Variants in EDN1 observed in about 807,000 individuals in gnomAD.
EDN1 encodes the protein endothelin 1.
A neutral mutation model predicts 21.7 loss-of-function variants in EDN1; 11 were observed. The observed-to-expected ratio is 0.51, with a 90% confidence interval of 0.32 to 0.84. The LOEUF is 0.84. Ranked by LOEUF, EDN1 falls within the 40% of genes least tolerant of loss-of-function variation. The probability of loss-of-function intolerance (pLI) is 0.03; values close to 1 mark genes in which losing one functional copy is unlikely to be tolerated. For synonymous variants in EDN1, 85 were observed against 90.6 expected (o/e 0.94, Z 0.35); for missense variants, 244 against 262.3 (o/e 0.93, Z 0.48).
chr6:12,238,539 T>C, the EDN1 span, among the ~76,000 whole-genome samples: 1 of 152,196 alleles, frequency 6.6e-6, no homozygotes, highest in Non-Finnish European at 1.5e-5. Flanking sequence ...GTGAAATGTA[T>C]GGAGGCGGAG....
chr6:12,287,054 C>G (rs948715723), upstream of EDN1, among the ~76,000 whole-genome samples: 16 of 151,872 alleles, frequency 1.1e-4, no homozygotes, highest in African/African-American at 3.6e-4. Context: ...GAGGTTGAGG[C>G]TGCAGTGAGC....
intron 1 of EDN1, among the ~76,000 whole-genome samples, chr6:12,291,225 C>CG (rs1412241676): frequency 2.0e-5 from 2 of 99,672 alleles, no homozygotes; most frequent in African/African-American, 5.9e-5. Flanking sequence ...CCTCCCCCCC[C>CG]CCCCGCCACC....
upstream of EDN1, among the ~76,000 whole-genome samples, chr6:12,286,191 C>G (rs376349332): frequency 9.8e-5 from 15 of 152,334 alleles, no homozygotes; most frequent in African/African-American, 3.6e-4. Flanking sequence ...ATTGGAAATA[C>G]TCTTTTAAAT....
the EDN1 span, among the ~76,000 whole-genome samples, chr6:12,239,408 G>T: frequency 6.6e-6 from 1 of 152,066 alleles, no homozygotes; most frequent in South Asian, 2.1e-4. Flanking sequence ...TTTCTTGACC[G>T]CCTTCCAGCA....
chr6:12,248,084 TGG>T, the EDN1 span, among the ~76,000 whole-genome samples: 1 of 151,748 alleles, frequency 6.6e-6, no homozygotes, highest in Non-Finnish European at 1.5e-5. Flanking sequence ...GAAATATCAA[TGG>T]ATATTCCTCA....
In EDN1 at chr6:12,292,321, C is replaced by G. The variant is rs774091506; in HGVS notation, c.65-20C>G. The G allele has an allele frequency of 1.1e-5, 18 of 1,613,324 alleles. No homozygotes were observed. In the South Asian group the frequency reaches 1.8e-4, roughly 16 times the overall value. On this transcript the variant is annotated intron_variant, in intron 1 of 4. Coordinates refer to ENST00000379375, the MANE Select transcript of EDN1 (RefSeq NM_001955.5). ...CGTTTGAGGAGACATCCCCCACTGACCTGCTCTTTCTCTCCCCAGCAGTCT... is the reference window on the plus strand; with the variant it reads ...CGTTTGAGGAGACATCCCCCACTGAGCTGCTCTTTCTCTCCCCAGCAGTCT...
chr6:12,273,987 A>C, the EDN1 span, among the ~76,000 whole-genome samples: 2 of 152,174 alleles, frequency 1.3e-5, no homozygotes, highest in African/African-American at 4.8e-5. Context: ...TTTCTTACCC[A>C]TATATTGTAC....
chr6:12,271,057 T>C, the EDN1 span, among the ~76,000 whole-genome samples: 1 of 152,166 alleles, frequency 6.6e-6, no homozygotes, highest in African/African-American at 2.4e-5. Context: ...TCACTTTCAG[T>C]TTATGTATGT....
chr6:12,257,666 CA>C, the EDN1 span, among the ~76,000 whole-genome samples: 20,406 of 152,108 alleles, frequency 0.13, 1,537 homozygotes, highest in South Asian at 0.3. Flanking sequence ...ATAATTATGA[CA>C]CAGTGTATTT....
chr6:12,244,934 A>G, the EDN1 span, among the ~76,000 whole-genome samples: 4 of 152,186 alleles, frequency 2.6e-5, no homozygotes, highest in African/African-American at 9.7e-5. Flanking sequence ...CTTTTCCTGC[A>G]ACTTCTACCC....
At chr6:12,231,337 T>C in the EDN1 span, among the ~76,000 whole-genome samples, 1 of 152,160 alleles carries the variant, frequency 6.6e-6, no homozygotes, top group Non-Finnish European at 1.5e-5. Context: ...GTCAAATCCA[T>C]GCTTAACAGG....
chr6:12,243,913 A>G, the EDN1 span, among the ~76,000 whole-genome samples: 8 of 152,310 alleles, frequency 5.3e-5, no homozygotes, highest in African/African-American at 1.4e-4. Context: ...TTATTTGTCA[A>G]TTGAGAAAGT....
Position 12,290,586 on chromosome 6 carries a change from T to A in EDN1, c.-44T>A. On this transcript the variant is annotated 5_prime_UTR_variant, in exon 1 of 5. Coordinates refer to ENST00000379375, the MANE Select transcript of EDN1 (RefSeq NM_001955.5). ...GAAGCTGTTTTTCTTCGTTTTCCTT[T>A]GGGTTCAGTTTGAACGGGAGGTTTT... 1 of 1,557,150 alleles carries A rather than the reference T, an allele frequency of 6.4e-7. No individual in the cohort carries two copies. The highest frequency in any genetic ancestry group is 8.9e-7 in the Non-Finnish European group (1 of 1,128,330).
At chr6:12,288,276 A>C (rs548463389), upstream of EDN1, among the ~76,000 whole-genome samples, 161 of 151,346 alleles carry the variant, frequency 1.1e-3, no homozygotes, top group African/African-American at 3.7e-3. Flanking sequence ...CTGCCAAGAC[A>C]TATTTCCCAG....
chr6:12,268,637 T>C, the EDN1 span, among the ~76,000 whole-genome samples: 2 of 152,172 alleles, frequency 1.3e-5, no homozygotes, highest in Non-Finnish European at 2.9e-5. Context: ...ATGTGTGGAT[T>C]TATTTCTGTA....
At chr6:12,285,319 G>T in the EDN1 span, among the ~76,000 whole-genome samples, 1 of 152,110 alleles carries the variant, frequency 6.6e-6, no homozygotes, top group African/African-American at 2.4e-5. Flanking sequence ...AAACTTTTTG[G>T]GATGTGAACC....
At chr6:12,244,557 A>C in the EDN1 span, among the ~76,000 whole-genome samples, 2 of 152,212 alleles carry the variant, frequency 1.3e-5, no homozygotes, top group Non-Finnish European at 1.5e-5. Flanking sequence ...AAAGTTTGTC[A>C]AATAGCCAAG....
the EDN1 span, among the ~76,000 whole-genome samples, chr6:12,262,669 C>T: frequency 3.9e-5 from 6 of 151,926 alleles, no homozygotes; most frequent in Non-Finnish European, 7.4e-5. Flanking sequence ...ATTAGGAGGT[C>T]GAAACCAGCC....
Position 12,292,395 on chromosome 6 carries a change from C to A in EDN1, c.119C>A (p.Thr40Asn), listed in dbSNP as rs149399492. Residue 40 changes from threonine to asparagine, a missense_variant, in exon 2 of 5, where the codon ACT becomes AAT. Thr to Asn is a moderately conservative substitution (Grantham distance 65). Coordinates refer to ENST00000379375, the MANE Select transcript of EDN1 (RefSeq NM_001955.5). The part of the protein sequence containing the change: ...AVGENGGEKP[T>N]PSPPWRLRRS... ...GGTGAGAACGGCGGGGAGAAACCCA[C>A]TCCCAGTCCACCCTGGCGGCTCCGC... The A allele has an allele frequency of 9.3e-5, 150 of 1,613,930 alleles. No individual in the cohort carries two copies. The highest frequency in any genetic ancestry group is 1.2e-4 in the Non-Finnish European group (146 of 1,180,046).
Sources: allele counts gnomAD v4.1 joint callset (sites outside exome capture counted in the v4.1 genomes callset), GRCh38; gene constraint gnomAD v4.1.1; transcripts MANE v1.5; gene names NCBI Gene and HGNC (gene_info 2026-07-23, HGNC 2026-07-21).